The following GMDS variants were observed in gnomAD, a reference collection of about 807,000 sequenced individuals.
GMDS encodes GDP-mannose 4,6-dehydratase, also known as GDP-mannose 4,6 dehydratase.
A neutral mutation model predicts 49.9 loss-of-function variants in GMDS; 20 were observed. That is an observed-to-expected ratio of 0.40 (90% CI 0.28 to 0.58). The LOEUF (loss-of-function observed/expected upper bound fraction) is 0.58. GMDS is among the 20% of genes least tolerant of loss of function. GMDS has a pLI of 0.42. For missense variants in GMDS, 362 were observed against 481.4 expected, an observed-to-expected ratio of 0.75 and a Z score of 2.32; for synonymous variants, 177 against 178.6, an observed-to-expected ratio of 0.99 and a Z score of 0.07.
At chr6:2,145,171 T>C (rs927050834) in intron 1 of GMDS, among the ~76,000 whole-genome samples, 2 of 152,174 alleles carry the variant, frequency 1.3e-5, no homozygotes, top group African/African-American at 2.4e-5. Flanking sequence ...GCACTAAGTA[T>C]AGTGTAAGCT....
intron 9 of GMDS, among the ~76,000 whole-genome samples, chr6:1,683,327 G>A (rs13202650): frequency 0.087 from 13,190 of 152,220 alleles, 880 homozygotes; most frequent in East Asian, 0.21. Flanking sequence ...GTTTCACCGT[G>A]TTAGCCAGGA....
chr6:2,122,327 A>C (rs1192614435), intron 2 of GMDS, among the ~76,000 whole-genome samples: 1 of 152,144 alleles, frequency 6.6e-6, no homozygotes, highest in South Asian at 2.1e-4. Flanking sequence ...TCTGTGTCTT[A>C]ACAGGGCCTG....
intron 9 of GMDS, among the ~76,000 whole-genome samples, chr6:1,677,795 G>A (rs963485049): frequency 3.5e-5 from 4 of 112,704 alleles, no homozygotes; most frequent in African/African-American, 1.4e-4. Flanking sequence ...GGTACCTGTC[G>A]TGGGGTGGGG....
At chr6:1,847,093 G>T (rs1405590750) in intron 7 of GMDS, among the ~76,000 whole-genome samples, 1 of 152,092 alleles carries the variant, frequency 6.6e-6, no homozygotes, top group Non-Finnish European at 1.5e-5. Context: ...GTCTTGCTCT[G>T]CCACCTAGGC....
At chr6:2,059,707 CAAA>C (rs35230658) in intron 4 of GMDS, among the ~76,000 whole-genome samples, 478 of 17,778 alleles carry the variant, frequency 0.027, 29 homozygotes, top group South Asian at 0.18. Context: ...GACTCCGTCT[CAAA>C]AAAAAAAAAA....
intron 9 of GMDS, among the ~76,000 whole-genome samples, chr6:1,683,019 G>A (rs1377210760): frequency 1.4e-5 from 1 of 72,320 alleles, no homozygotes; most frequent in Non-Finnish European, 3.9e-5. Flanking sequence ...GTAAAACCAC[G>A]CACGTGGGTG....
chr6:1,915,983 AAC>A (rs1230483124), intron 7 of GMDS, among the ~76,000 whole-genome samples: 1 of 152,240 alleles, frequency 6.6e-6, no homozygotes, highest in Non-Finnish European at 1.5e-5. Flanking sequence ...GGGAGGTGGC[AAC>A]ACCTTCACCA....
intron 6 of GMDS, among the ~76,000 whole-genome samples, chr6:1,937,307 C>T (rs760845573): frequency 5.3e-5 from 8 of 152,150 alleles, no homozygotes; most frequent in South Asian, 2.1e-4. Context: ...AAAGAAAGCA[C>T]GCCTAGAAAA....
rs555954574 is a variant in GMDS, at chr6:1,883,612, G to GA, written c.771+46490dup. 1.2e-3 allele frequency among the ~76,000 whole-genome samples: 175 copies of GA among 152,070 alleles called. 1 individual carries two copies. Among genetic ancestry groups the GA allele is most frequent in the African/African-American group, 4.1e-3 (169 of 41,500 alleles). On this transcript the variant is annotated intron_variant, in intron 7 of 10. Transcript: ENST00000380815. ...GCTCACTCTAAAACCCTGTTTTGCT[G>GA]AAAAAAATCTAGGTAAGTCTAATTT...
chr6:2,112,671 A>C (rs940227325), intron 4 of GMDS, among the ~76,000 whole-genome samples: 16 of 152,152 alleles, frequency 1.1e-4, no homozygotes. Context: ...CTCAACTTCT[A>C]AACCCCTTGC....
At chr6:1,813,815 T>A (rs1770547510) in intron 7 of GMDS, among the ~76,000 whole-genome samples, 2 of 152,356 alleles carry the variant, frequency 1.3e-5, no homozygotes, top group Middle Eastern at 3.4e-3. Flanking sequence ...TACAGAATTA[T>A]CCATCTTATT....
At chr6:2,211,326 C>T (rs1268959884) in intron 1 of GMDS, among the ~76,000 whole-genome samples, 1 of 152,154 alleles carries the variant, frequency 6.6e-6, no homozygotes, top group Non-Finnish European at 1.5e-5. Flanking sequence ...CGTTCATTCC[C>T]ACCTGAACAT....
intron 7 of GMDS, among the ~76,000 whole-genome samples, chr6:1,795,317 A>G (rs1212108863): frequency 6.6e-6 from 1 of 152,204 alleles, no homozygotes; most frequent in Non-Finnish European, 1.5e-5. Flanking sequence ...ATTCCCAGTT[A>G]TATCTAAAAC....
intron 4 of GMDS, among the ~76,000 whole-genome samples, chr6:2,017,806 G>A (rs913893300): frequency 2.0e-5 from 3 of 151,838 alleles, no homozygotes; most frequent in Non-Finnish European, 4.4e-5. Context: ...AAGTAAGCCA[G>A]AGAAAAGAAA....
chr6:1,783,007 T>C (rs1186440480), intron 7 of GMDS, among the ~76,000 whole-genome samples: 1 of 151,698 alleles, frequency 6.6e-6, no homozygotes, highest in East Asian at 1.9e-4. Context: ...AAATTTAAAA[T>C]AGTCGGGCAT....
At chr6:1,776,683 A>G (rs1429025358) in intron 7 of GMDS, among the ~76,000 whole-genome samples, 1 of 152,110 alleles carries the variant, frequency 6.6e-6, no homozygotes, top group Non-Finnish European at 1.5e-5. Flanking sequence ...TTGTCCCTAA[A>G]AAAATTAAGG....
At chr6:1,728,571 T>G (rs1430716928) in intron 8 of GMDS, among the ~76,000 whole-genome samples, 1 of 152,310 alleles carries the variant, frequency 6.6e-6, no homozygotes, top group African/African-American at 2.4e-5. Context: ...GAACTGGTGA[T>G]TCAAATCTAT....
At chr6:1,867,369 A>C (rs998786701) in intron 7 of GMDS, among the ~76,000 whole-genome samples, 3 of 152,258 alleles carry the variant, frequency 2.0e-5, no homozygotes, top group African/African-American at 4.8e-5. Context: ...ACTACAGGGC[A>C]ATACAAACAA....
intron 4 of GMDS, among the ~76,000 whole-genome samples, chr6:2,073,938 A>G (rs6926273): frequency 0.036 from 5,507 of 152,324 alleles, 149 homozygotes; most frequent in Non-Finnish European, 0.054. Context: ...TTGATTCCAT[A>G]ATTCACTTTC....
Sources: allele counts gnomAD v4.1 joint callset (sites outside exome capture counted in the v4.1 genomes callset), GRCh38; gene constraint gnomAD v4.1.1; transcripts MANE v1.5; gene names NCBI Gene and HGNC (gene_info 2026-07-23, HGNC 2026-07-21).